MYO5B: variants seen among roughly 807,000 people sequenced by gnomAD.
MYO5B encodes myosin VB.
A neutral mutation model predicts 229.3 loss-of-function variants in MYO5B; 143 were observed. That is an observed-to-expected ratio of 0.62 (90% CI 0.54 to 0.72). The LOEUF is 0.72. MYO5B is among the 30% of genes least tolerant of loss of function. The probability of loss-of-function intolerance (pLI) is 0.00; values close to 1 mark genes in which losing one functional copy is unlikely to be tolerated. For synonymous variants in MYO5B, 918 were observed against 885.2 expected (o/e 1.04, Z -0.66); for missense variants, 2,321 against 2,331.0 (o/e 1.00, Z 0.09).
intron 1 of MYO5B, among the ~76,000 whole-genome samples, chr18:50,066,851 G>A (rs2030832558): frequency 6.6e-6 from 1 of 152,168 alleles, no homozygotes; most frequent in South Asian, 2.1e-4. Flanking sequence ...TCTCTGGAGA[G>A]CTCTATCTAG....
At chr18:49,869,614 C>T (rs1440785556) in intron 27 of MYO5B, among the ~76,000 whole-genome samples, 3 of 152,184 alleles carry the variant, frequency 2.0e-5, no homozygotes, top group Non-Finnish European at 4.4e-5. Flanking sequence ...CCTGTAAAAT[C>T]AAGAAGGGGC....
At chr18:50,034,806 A>G (rs563887059) in intron 4 of MYO5B, among the ~76,000 whole-genome samples, 1 of 152,308 alleles carries the variant, frequency 6.6e-6, no homozygotes, top group African/African-American at 2.4e-5. Flanking sequence ...CTGTGGCCAC[A>G]TGTGCTGGTC....
At chr18:49,953,972 T>C (rs900234634) in intron 13 of MYO5B, among the ~76,000 whole-genome samples, 1 of 149,494 alleles carries the variant, frequency 6.7e-6, no homozygotes, top group Admixed American at 6.7e-5. Flanking sequence ...TGTGTATGTG[T>C]GTGTGTATAG....
intron 31 of MYO5B, chr18:49,849,966 C>T: frequency 2.4e-6 from 1 of 421,950 alleles, no homozygotes; most frequent in East Asian, 5.3e-5. Context: ...GTTGCCATGC[C>T]AACCCCCCAG....
chr18:50,091,832 A>G (rs964435429), intron 1 of MYO5B, among the ~76,000 whole-genome samples: 2 of 152,220 alleles, frequency 1.3e-5, no homozygotes, highest in Non-Finnish European at 2.9e-5. Context: ...AAAGTTTTCA[A>G]TGCTAATATA....
chr18:49,932,003 G>A (rs553404058), intron 16 of MYO5B, among the ~76,000 whole-genome samples: 243 of 152,310 alleles, frequency 1.6e-3, no homozygotes, highest in South Asian at 2.5e-3. Context: ...GCGTGTTCAG[G>A]AGCATCTGGG....
intron 2 of MYO5B, among the ~76,000 whole-genome samples, chr18:50,054,070 G>A (rs757522074): frequency 3.3e-5 from 5 of 152,146 alleles, no homozygotes; most frequent in Non-Finnish European, 7.3e-5. Flanking sequence ...CCACCCAACA[G>A]TCCTCTTCCC....
At position 49,877,920 on chromosome 18, in the gene MYO5B, T is replaced by A. The variant is rs919125971; in HGVS notation, c.3277-38A>T. The A allele has an allele frequency of 5.6e-6, 9 of 1,613,548 alleles. No homozygotes were observed. The Admixed American group carries it at 1.3e-4, about 24-fold the overall frequency. ...AAAAACGTGATAGCTCATTAGGAACTAATGTTCATGAGAATTTACCTCCCA... is the reference window on the plus strand; with the variant it reads ...AAAAACGTGATAGCTCATTAGGAACAAATGTTCATGAGAATTTACCTCCCA... On this transcript the variant is annotated intron_variant, in intron 24 of 39. Transcript: ENST00000285039.
chr18:49,929,611 A>G lies in MYO5B; in HGVS notation c.2004-13T>C, dbSNP rs762648724. ...CTTTGGGTCAAAGCTGCCAAAGGAG[A>G]AAAAAAAAAAAAAAAGCAAGACAAG... On this transcript the variant is annotated splice_polypyrimidine_tract_variant and intron_variant, in intron 16 of 39. Coordinates refer to ENST00000285039, the MANE Select transcript of MYO5B (RefSeq NM_001080467.3). 99 of 61,408 alleles carry G rather than the reference A, an allele frequency of 1.6e-3. No homozygotes were observed. In the African/African-American group the frequency reaches 0.041, roughly 26 times the overall value. 3.8% of individuals were successfully genotyped at this position (61,408 alleles called of 1,614,324 possible).
chr18:49,916,511 CA>C (rs2025015894), intron 17 of MYO5B, among the ~76,000 whole-genome samples: 1 of 152,204 alleles, frequency 6.6e-6, no homozygotes, highest in African/African-American at 2.4e-5. Flanking sequence ...CCAAAGCTTC[CA>C]AAGACCGGAA....
At chr18:49,883,504 G>A (rs187886134) in intron 22 of MYO5B, among the ~76,000 whole-genome samples, 5 of 152,150 alleles carry the variant, frequency 3.3e-5, no homozygotes, top group African/African-American at 1.2e-4. Context: ...TAAATGGAAA[G>A]ACATCTTGAG....
At position 49,849,648 on chromosome 18, in the gene MYO5B, G is replaced by A. The variant is rs2024174586; in HGVS notation, c.4234C>T (p.Leu1412=). The change falls in exon 32 of 40, where the codon CTG becomes TTG. Residue 1412 remains leucine, a synonymous_variant. Coordinates refer to ENST00000285039, the MANE Select transcript of MYO5B (RefSeq NM_001080467.3). ...TCATTCTTTTCCAGCTTTTCTACCA[G>A]TTCTTTAAGGTCCTGGAAGCAGAGG... ...LTNENLDLKE[L]VEKLEKNERK... 1 of 1,613,186 alleles carries A rather than the reference G, an allele frequency of 6.2e-7. No individual in the cohort carries two copies. Among genetic ancestry groups the A allele is most frequent in the South Asian group, 1.1e-5 (1 of 91,072 alleles).
chr18:49,878,793 A>T, intron 24 of MYO5B, 152 bp downstream of exon 24: 1 of 931,402 alleles, frequency 1.1e-6, no homozygotes, highest in Non-Finnish European at 1.7e-6. Context: ...CAGTCCAGCT[A>T]CCTTTGCCTC....
chr18:50,033,027 C>T (rs1014286910), intron 4 of MYO5B, among the ~76,000 whole-genome samples: 4 of 151,994 alleles, frequency 2.6e-5, no homozygotes, highest in African/African-American at 9.7e-5. Context: ...GGGTGCATAC[C>T]TAAGAATGGA....
At chr18:50,093,708 A>G (rs1355928057) in intron 1 of MYO5B, among the ~76,000 whole-genome samples, 2 of 152,160 alleles carry the variant, frequency 1.3e-5, no homozygotes, top group Non-Finnish European at 2.9e-5. Flanking sequence ...GATGGAAATT[A>G]AAGTGACCTC....
At chr18:50,021,377 C>A (rs2026272649) in intron 4 of MYO5B, among the ~76,000 whole-genome samples, 1 of 152,142 alleles carries the variant, frequency 6.6e-6, no homozygotes, top group South Asian at 2.1e-4. Flanking sequence ...GAACCAGGTT[C>A]CAGCACTAGT....
At chr18:50,156,572 G>C (rs1470305887) in intron 1 of MYO5B, among the ~76,000 whole-genome samples, 1 of 152,122 alleles carries the variant, frequency 6.6e-6, no homozygotes, top group Non-Finnish European at 1.5e-5. Flanking sequence ...GCTGAACTGT[G>C]AGTCAATTAA....
chr18:49,842,095 GAAAAA>G (rs1178864496), intron 34 of MYO5B, among the ~76,000 whole-genome samples: 1 of 96,872 alleles, frequency 1.0e-5, no homozygotes, highest in Non-Finnish European at 2.2e-5. Flanking sequence ...ACGACCAAAA[GAAAAA>G]AAAAAAAAAA....
intron 1 of MYO5B, among the ~76,000 whole-genome samples, chr18:50,060,438 A>G (rs1174181082): frequency 1.3e-5 from 2 of 152,350 alleles, no homozygotes; most frequent in African/African-American, 2.4e-5. Flanking sequence ...CCAACAGACT[A>G]TAAGACAGAC....
Sources: allele counts gnomAD v4.1 joint callset (sites outside exome capture counted in the v4.1 genomes callset), GRCh38; gene constraint gnomAD v4.1.1; transcripts MANE v1.5; gene names NCBI Gene and HGNC (gene_info 2026-07-23, HGNC 2026-07-21).